Variants in UBQLN4 observed in about 807,000 individuals in gnomAD.
UBQLN4 encodes ubiquilin-4.
Under a neutral mutation model 60.4 loss-of-function variants are expected in UBQLN4, and 11 were observed. The ratio of observed to expected loss-of-function variants is 0.18; its 90% CI spans 0.11 to 0.30. The LOEUF (loss-of-function observed/expected upper bound fraction) is 0.30. UBQLN4 is among the 10% of genes least tolerant of loss of function. The pLI is 1.00. For missense variants in UBQLN4, 417 were observed against 795.5 expected (o/e 0.52, Z 5.72); for synonymous variants, 258 against 313.1 (o/e 0.82, Z 1.86).
intron 10 of UBQLN4, among the ~76,000 whole-genome samples, chr1:156,037,551 G>A (rs1042943982): frequency 6.6e-6 from 1 of 152,126 alleles, no homozygotes. Context: ...AGGCGAGATC[G>A]CGCCACTGCA....
chr1:156,046,638 C>T (rs1246438095), intron 5 of UBQLN4, among the ~76,000 whole-genome samples: 4 of 151,182 alleles, frequency 2.6e-5, no homozygotes, highest in Admixed American at 1.3e-4. Flanking sequence ...GTCAGGAGTT[C>T]GAGACCAGCC....
downstream of UBQLN4, among the ~76,000 whole-genome samples, chr1:156,034,219 AGG>A (rs1683343219): frequency 1.3e-5 from 2 of 151,778 alleles, no homozygotes; most frequent in African/African-American, 4.8e-5. Context: ...TGGTAATGCC[AGG>A]TTTAGTCTGA....
At chr1:156,034,283 A>G (rs1296509363), downstream of UBQLN4, among the ~76,000 whole-genome samples, 2 of 137,726 alleles carry the variant, frequency 1.5e-5, no homozygotes, top group Non-Finnish European at 3.1e-5. Flanking sequence ...TGACTGCAAG[A>G]GTTTTTGTTT....
rs1398875592 is a variant in UBQLN4 at position 156,042,055 on chromosome 1, G to A, written c.1351-68C>T. 25 of 1,611,336 alleles carry A rather than the reference G, an allele frequency of 1.6e-5. No homozygotes were observed. The Admixed American group carries it at 4.2e-4, about 27-fold the overall frequency. ...AAAGAGGAGACAACCTCAACTAGGA[G>A]TCCAGAGTCAAGCTCTGCCCCAACT... On this transcript the variant is annotated intron_variant, in intron 8 of 10. Coordinates refer to ENST00000368309, the MANE Select transcript of UBQLN4 (RefSeq NM_020131.5).
chr1:156,044,425 T>C (rs78441735), intron 5 of UBQLN4, among the ~76,000 whole-genome samples: 2,327 of 152,268 alleles, frequency 0.015, 23 homozygotes, highest in Non-Finnish European at 0.021. Flanking sequence ...TAGCTGATGC[T>C]AGTGACTGGA....
chr1:156,041,123 G>T (rs2102742710), intron 10 of UBQLN4, among the ~76,000 whole-genome samples: 1 of 152,310 alleles, frequency 6.6e-6, no homozygotes, highest in African/African-American at 2.4e-5. Flanking sequence ...CTATGTAAGT[G>T]AGTAAGCCAC....
chr1:156,042,352 C>T (rs367885473), intron 7 of UBQLN4, 116 bp from the exon 8 acceptor site: 46 of 1,443,554 alleles, frequency 3.2e-5, no homozygotes, highest in African/African-American at 3.0e-4. Context: ...CCAGCTTCTC[C>T]GGGGATCTCA....
At position 156,051,822 on chromosome 1, in the gene UBQLN4, C is replaced by T; in HGVS notation, c.144G>A (p.Gln48=). Reference sequence around the variant, plus strand: ...CGAAGATCAGGACCAGCTGATCCTGCTGAGCCTTAAACCTCCGGGAGATTT... The same window carrying T: ...CGAAGATCAGGACCAGCTGATCCTGTTGAGCCTTAAACCTCCGGGAGATTT... The part of the protein sequence containing the change: ...KEEISRRFKA[Q]QDQLVLIFAG... The change falls in exon 2 of 11, where the codon CAG becomes CAA. Residue 48 remains glutamine (Q), a synonymous_variant. Coordinates refer to ENST00000368309, the MANE Select transcript of UBQLN4 (RefSeq NM_020131.5). 6.2e-7 allele frequency: 1 copy of T among 1,614,182 alleles called. No individual in the cohort carries two copies. Among genetic ancestry groups the T allele is most frequent in the Non-Finnish European group, 8.5e-7 (1 of 1,180,016 alleles).
chr1:156,034,876 T>C (rs1683364463), downstream of UBQLN4, among the ~76,000 whole-genome samples: 1 of 121,948 alleles, frequency 8.2e-6, no homozygotes, highest in African/African-American at 3.0e-5. Flanking sequence ...TATATAATTT[T>C]TTTTTCTTTT....
At chr1:156,039,733 C>T (rs574141798) in intron 10 of UBQLN4, among the ~76,000 whole-genome samples, 3 of 150,184 alleles carry the variant, frequency 2.0e-5, no homozygotes, top group East Asian at 4.1e-4. Flanking sequence ...GTCAGGCGAT[C>T]GAGACCATCC....
At chr1:156,044,702 C>T (rs1268142809) in intron 5 of UBQLN4, among the ~76,000 whole-genome samples, 5 of 152,164 alleles carry the variant, frequency 3.3e-5, no homozygotes, top group South Asian at 2.1e-4. Flanking sequence ...ACTTGAACCC[C>T]GATCTTCCCT....
At position 156,050,222 on chromosome 1, in the gene UBQLN4, G is replaced by C; in HGVS notation, c.741+69C>G. ...AATGAACAAATCAATGTAGGACAAA[G>C]TAGGAAAGGCTGGGCAGGGCACGGC... On this transcript the variant is annotated intron_variant, in intron 4 of 10. Transcript: ENST00000368309. This position sits in a 1 kb window ranked among gnomAD's most constrained non-coding sequence, Gnocchi z 4.6. 6.7e-7 allele frequency: 1 copy of C among 1,502,656 alleles called. No homozygotes were observed. Among genetic ancestry groups the C allele is most frequent in the Non-Finnish European group, 8.9e-7 (1 of 1,123,652 alleles). 93.1% of individuals were successfully genotyped at this position (1,502,656 alleles called of 1,614,324 possible).
chr1:156,036,162 G>C lies in UBQLN4; in HGVS notation c.*816C>G. The C allele has an allele frequency of 1.0e-6, 1 of 985,562 alleles. No homozygotes were observed. The highest frequency in any genetic ancestry group is 1.2e-6 in the Non-Finnish European group (1 of 829,944). 61.1% of individuals were successfully genotyped at this position (985,562 alleles called of 1,614,324 possible). A position where few individuals can be genotyped will look rare whatever the true frequency, so the allele number is the denominator to read the frequency against. On this transcript the variant is annotated 3_prime_UTR_variant, in exon 11 of 11. Transcript: ENST00000368309. ...CCATTAGCATCTCTAAGTCTCTTCTGCCAGCTCGGGCCTGGATTCTTCTGC... is the reference window on the plus strand; with the variant it reads ...CCATTAGCATCTCTAAGTCTCTTCTCCCAGCTCGGGCCTGGATTCTTCTGC...
At position 156,041,891 on chromosome 1, in the gene UBQLN4, C is replaced by A. The variant is rs1683576732; in HGVS notation, c.1447G>T (p.Ala483Ser). Residue 483 changes from alanine (A) to serine (S), a missense_variant, in exon 9 of 11, where the codon GCC (alanine) becomes TCC (serine). Ala to Ser is a moderately conservative substitution (Grantham distance 99). Transcript: ENST00000368309. ...QQGLQTLQTE[A>S]PGLVPSLGSF... is the part of the protein sequence containing the mutation. ...CCTCACCTGGGTACCAGCCCAGGGG[C>A]CTCGGTCTGCAAGGTCTGTAGTCCC... 1.2e-6 allele frequency: 2 copies of A among 1,613,168 alleles called. No individual in the cohort carries two copies. Among genetic ancestry groups the A allele is most frequent in the Admixed American group, 1.7e-5 (1 of 59,766 alleles).
chr1:156,034,825 C>CTATATATATATATATATATA (rs34720108), downstream of UBQLN4, among the ~76,000 whole-genome samples: 7 of 46,378 alleles, frequency 1.5e-4, no homozygotes, highest in Middle Eastern at 0.025. Flanking sequence ...CCTTAACCTT[C>CTATATATATATATATATATA]TATATATATA....
chr1:156,035,058 A>C (rs1341516662), downstream of UBQLN4, among the ~76,000 whole-genome samples: 2 of 150,736 alleles, frequency 1.3e-5, no homozygotes, highest in African/African-American at 2.4e-5. Context: ...TCGTAGAGAC[A>C]AGGTCTCCCT....
At chr1:156,038,953 G>A (rs900773813) in intron 10 of UBQLN4, among the ~76,000 whole-genome samples, 6 of 151,792 alleles carry the variant, frequency 4.0e-5, no homozygotes, top group Non-Finnish European at 5.9e-5. Context: ...CACCAAGCCC[G>A]GCTAATTTTT....
At chr1:156,034,755 A>G (rs2102735145), downstream of UBQLN4, among the ~76,000 whole-genome samples, 1 of 144,588 alleles carries the variant, frequency 6.9e-6, no homozygotes, top group Admixed American at 7.0e-5. Context: ...GGGGAATGGA[A>G]GAATGCAGTC....
rs1424998471 is a variant in UBQLN4, at chr1:156,051,564, C to T, written c.260+142G>A. ...GAATGGTAAATCAGGTTCCCTTCCCCTAGAGATGAGATCATATTCATCCAG... is the reference window on the plus strand; with the variant it reads ...GAATGGTAAATCAGGTTCCCTTCCCTTAGAGATGAGATCATATTCATCCAG... On this transcript the variant is annotated intron_variant, in intron 2 of 10. Coordinates refer to ENST00000368309, the MANE Select transcript of UBQLN4 (RefSeq NM_020131.5). The T allele has an allele frequency of 3.9e-6, 5 of 1,295,262 alleles. No homozygotes were observed. The African/African-American group carries it at 5.9e-5, about 15-fold the overall frequency. 80.2% of individuals were successfully genotyped at this position (1,295,262 alleles called of 1,614,324 possible).
Sources: allele counts gnomAD v4.1 joint callset (sites outside exome capture counted in the v4.1 genomes callset), GRCh38; gene constraint gnomAD v4.1.1; non-coding constraint Gnocchi (gnomAD v3.1); transcripts MANE v1.5; gene names NCBI Gene and HGNC (gene_info 2026-07-23, HGNC 2026-07-21).